The following SMCO4 variants were observed in gnomAD, a reference collection of about 807,000 sequenced individuals.
SMCO4 encodes single-pass membrane and coiled-coil domain-containing protein 4.
Under a neutral mutation model 3.6 loss-of-function variants are expected in SMCO4, and 4 were observed. That is an observed-to-expected ratio of 1.11 (90% CI 0.54 to 2.53). SMCO4 has a LOEUF of 2.53. SMCO4 is among the 30% of genes most tolerant of loss of function. The probability of loss-of-function intolerance (pLI) is 0.02; values close to 1 mark genes in which losing one functional copy is unlikely to be tolerated. For missense variants in SMCO4, 70 were observed against 80.8 expected (o/e 0.87, Z 0.51); for synonymous variants, 36 against 35.3 (o/e 1.02, Z -0.07).
chr11:93,526,945 C>T (rs905044833), intron 1 of SMCO4, among the ~76,000 whole-genome samples: 1 of 152,192 alleles, frequency 6.6e-6, no homozygotes, highest in Non-Finnish European at 1.5e-5. Context: ...TAGGCCATTG[C>T]CCTTTCCACT....
chr11:93,508,207 G>A (rs958814413), intron 1 of SMCO4, among the ~76,000 whole-genome samples: 13 of 152,086 alleles, frequency 8.5e-5, no homozygotes, highest in Non-Finnish European at 1.6e-4. Context: ...AGCTAGTGTC[G>A]TAGCGGGCAG....
At chr11:93,482,559 A>T (rs1948603504) in intron 2 of SMCO4, among the ~76,000 whole-genome samples, 1 of 152,210 alleles carries the variant, frequency 6.6e-6, no homozygotes, top group South Asian at 2.1e-4. Context: ...CAGGGCAGGA[A>T]GGGGAAGAGC....
intron 2 of SMCO4, among the ~76,000 whole-genome samples, chr11:93,492,678 G>C (rs1246463792): frequency 2.0e-5 from 3 of 152,192 alleles, no homozygotes; most frequent in African/African-American, 7.2e-5. Flanking sequence ...AGGGCATGGA[G>C]GGCAAAGGCC....
intron 2 of SMCO4, among the ~76,000 whole-genome samples, chr11:93,491,012 A>G (rs903633610): frequency 3.9e-5 from 6 of 152,282 alleles, no homozygotes; most frequent in African/African-American, 1.4e-4. Context: ...AATGTGTGTG[A>G]AAATGCTCAA....
chr11:93,484,687 T>C (rs1025352212), intron 2 of SMCO4, among the ~76,000 whole-genome samples: 3 of 129,588 alleles, frequency 2.3e-5, no homozygotes, highest in Admixed American at 9.6e-5. Context: ...ACCAGGGAAT[T>C]CTTTTTTTTT....
intron 1 of SMCO4, among the ~76,000 whole-genome samples, chr11:93,524,120 C>T (rs1437208069): frequency 2.0e-5 from 3 of 152,114 alleles, no homozygotes; most frequent in African/African-American, 7.2e-5. Context: ...TAAAAACAAG[C>T]GATTACAACA....
chr11:93,552,290 C>G, the SMCO4 span, among the ~76,000 whole-genome samples: 1 of 150,286 alleles, frequency 6.7e-6, no homozygotes, highest in South Asian at 2.1e-4. Flanking sequence ...CAGGCATGCA[C>G]CACCACAGCC....
At chr11:93,535,709 T>C (rs1445670356) in intron 1 of SMCO4, 3 of 1,613,500 alleles carry the variant, frequency 1.9e-6, no homozygotes, top group Non-Finnish European at 2.5e-6. Flanking sequence ...AAGTTTCAGA[T>C]GGCTTATTCA....
rs1446579549 is a variant in SMCO4, at chr11:93,526,276, GA to G, written c.-154+16999del. 2.9e-3 allele frequency among the ~76,000 whole-genome samples: 415 copies of G among 143,886 alleles called. 3 individuals are homozygous for G. The highest frequency in any genetic ancestry group is 9.9e-3 in the African/African-American group (387 of 39,064). 94.4% of individuals were successfully genotyped at this position (143,886 alleles called of 152,430 possible). On this transcript the variant is annotated intron_variant, in intron 1 of 2. Transcript: ENST00000298966. ...ACACGCTTGGCTGCTCAAGATTAGA[GA>G]ACAGAAACAGACAAATATTTGCTAA...
chr11:93,484,817 G>A (rs1025742287), intron 2 of SMCO4, among the ~76,000 whole-genome samples: 1 of 152,052 alleles, frequency 6.6e-6, no homozygotes, highest in African/African-American at 2.4e-5. Flanking sequence ...CCTGGTTCAG[G>A]CTCTCAGGGG....
At chr11:93,519,347 C>A (rs1480290058) in intron 1 of SMCO4, among the ~76,000 whole-genome samples, 1 of 152,184 alleles carries the variant, frequency 6.6e-6, no homozygotes, top group East Asian at 1.9e-4. Flanking sequence ...TGAGTCTTTG[C>A]ATACAAGCAA....
In SMCO4 at chr11:93,535,745, G is replaced by T. The variant is rs1365604405; in HGVS notation, c.-154+7531C>A. 4.3e-6 allele frequency: 7 copies of T among 1,611,820 alleles called. No homozygotes were observed. The East Asian group carries it at 1.1e-4, about 26-fold the overall frequency. On this transcript the variant is annotated intron_variant, in intron 1 of 2. Coordinates refer to ENST00000298966, the MANE Select transcript of SMCO4 (RefSeq NM_020179.3). ...AACCTCCTGAGAGCTAACATGGATG[G>T]GCTGAAGAAGAGAGACAAAAAGAAC...
intron 1 of SMCO4, among the ~76,000 whole-genome samples, chr11:93,529,199 T>C (rs1047288169): frequency 1.3e-5 from 2 of 152,256 alleles, no homozygotes; most frequent in African/African-American, 4.8e-5. Flanking sequence ...GCTCTTTTGA[T>C]GTGCTAAGGA....
intron 1 of SMCO4, 108 bp downstream of exon 1, chr11:93,543,168 A>G (rs1949285951): frequency 1.4e-5 from 2 of 146,860 alleles, no homozygotes; most frequent in South Asian, 4.2e-4. Context: ...CGGGAACCGT[A>G]CTGTCCCGGC....
At chr11:93,498,748 G>A (rs541313757) in intron 2 of SMCO4, among the ~76,000 whole-genome samples, 1 of 152,348 alleles carries the variant, frequency 6.6e-6, no homozygotes, top group African/African-American at 2.4e-5. Flanking sequence ...TACAGGCCCA[G>A]TAAGGGAGGC....
intron 2 of SMCO4, among the ~76,000 whole-genome samples, chr11:93,487,796 G>A (rs940832869): frequency 1.7e-4 from 26 of 152,164 alleles, no homozygotes; most frequent in African/African-American, 6.0e-4. Context: ...TGCATGTCAG[G>A]GTTTCAGTCC....
intron 1 of SMCO4, among the ~76,000 whole-genome samples, chr11:93,536,331 C>T (rs1949224410): frequency 6.6e-6 from 1 of 152,166 alleles, no homozygotes; most frequent in Non-Finnish European, 1.5e-5. Flanking sequence ...CCTAGAGAAA[C>T]ATGTGCATAC....
At chr11:93,522,923 C>G (rs1174725931) in intron 1 of SMCO4, among the ~76,000 whole-genome samples, 2 of 152,150 alleles carry the variant, frequency 1.3e-5, no homozygotes, top group African/African-American at 2.4e-5. Context: ...GTTCTATCTC[C>G]CCTACGAGAT....
At chr11:93,523,063 G>A (rs973212339) in intron 1 of SMCO4, among the ~76,000 whole-genome samples, 1 of 152,156 alleles carries the variant, frequency 6.6e-6, no homozygotes, top group Non-Finnish European at 1.5e-5. Context: ...CCCTATACTT[G>A]TCTAGGCTCA....
Sources: gnomAD v4.1 joint callset for allele counts (sites outside exome capture counted in the v4.1 genomes callset) on GRCh38, gnomAD v4.1.1 for gene constraint, MANE v1.5 for transcripts, NCBI Gene and HGNC (gene_info 2026-07-23, HGNC 2026-07-21) for gene names.